The following LRRFIP1 variants were observed in gnomAD, a reference collection of about 807,000 sequenced individuals.
LRRFIP1 encodes the protein leucine-rich repeat flightless-interacting protein 1.
In LRRFIP1, 62 loss-of-function variants were observed where a neutral mutation model predicts 104.4. The observed-to-expected ratio is 0.59, with a 90% CI of 0.48 to 0.73. The LOEUF is 0.73. LRRFIP1 is among the 30% of genes least tolerant of loss of function. The pLI is 0.00. For synonymous variants in LRRFIP1, 300 were observed against 299.0 expected (o/e 1.00, Z -0.03); for missense variants, 796 against 824.5 (o/e 0.97, Z 0.42).
rs1480793512 is a variant in LRRFIP1, at chr2:237,680,237, A to C, written c.97-28307A>C. Among the ~76,000 whole-genome samples, 10 of 152,264 alleles carry C rather than the reference A, an allele frequency of 6.6e-5. No homozygotes were observed. The East Asian group carries it at 1.9e-3, about 29-fold the overall frequency. On this transcript the variant is annotated intron_variant, in intron 1 of 23. Transcript: ENST00000308482. ...CCAGGCACAGTGGCTCAGGCCTGCA[A>C]TCCCAGCACTTGGGAAGGCCAAGAT... is the stretch of plus-strand genomic sequence containing the variant.
intron 1 of LRRFIP1, among the ~76,000 whole-genome samples, chr2:237,705,876 C>T (rs2093778933): frequency 6.6e-6 from 1 of 152,204 alleles, no homozygotes. Flanking sequence ...CTGCTCTCAG[C>T]TCATCGAGGC....
intron 8 of LRRFIP1, chr2:237,729,935 T>C (rs1274340832): frequency 5.5e-6 from 3 of 548,750 alleles, no homozygotes; most frequent in Non-Finnish European, 6.9e-6. Flanking sequence ...TCTACTTTTC[T>C]CTTTCGGTGT....
intron 1 of LRRFIP1, among the ~76,000 whole-genome samples, chr2:237,654,440 GAA>G (rs1403653923): frequency 6.6e-6 from 1 of 152,170 alleles, no homozygotes; most frequent in Non-Finnish European, 1.5e-5. Flanking sequence ...AGCCATTGTA[GAA>G]AACAGTATGG....
At chr2:237,631,362 A>T in intron 1 of LRRFIP1, among the ~76,000 whole-genome samples, 1 of 152,194 alleles carries the variant, frequency 6.6e-6, no homozygotes, top group East Asian at 1.9e-4. Context: ...TGGTGGGGGC[A>T]GCCTTTGGAG....
rs763112379 is a variant in LRRFIP1 at position 237,727,899 on chromosome 2, G to T, written c.408G>T (p.Leu136Phe). ...YAWTNGYDGE[L>F]YGSQSLNRRS... ...AGACAAATGGTTATGATGGAGAATT[G>T]TATGGATCACAGTCCCTGAATAGAA... The change falls in exon 8 of 24, where the codon TTG becomes TTT. Residue 136 changes from leucine (L) to phenylalanine (F), a missense_variant. Leu to Phe is a conservative substitution (Grantham distance 22). Coordinates refer to ENST00000308482, the MANE Select transcript of LRRFIP1 (RefSeq NM_001137550.2). 6.2e-7 allele frequency: 1 copy of T among 1,612,196 alleles called. No homozygotes were observed. The highest frequency in any genetic ancestry group is 2.2e-5 in the East Asian group (1 of 44,852).
At chr2:237,701,746 T>C (rs1353774089) in intron 1 of LRRFIP1, among the ~76,000 whole-genome samples, 1 of 152,212 alleles carries the variant, frequency 6.6e-6, no homozygotes, top group African/African-American at 2.4e-5. Context: ...TTCTGCTGTG[T>C]GGTTCTGTCT....
chr2:237,688,192 A>G (rs1352833452), intron 1 of LRRFIP1, among the ~76,000 whole-genome samples: 2 of 149,004 alleles, frequency 1.3e-5, no homozygotes, highest in Non-Finnish European at 2.9e-5. Context: ...GCAGTCAGAC[A>G]AAACCCAAAG....
chr2:237,762,884 A>G (rs750573602), intron 19 of LRRFIP1: 3 of 1,614,184 alleles, frequency 1.9e-6, no homozygotes, highest in Non-Finnish European at 2.5e-6. Flanking sequence ...GGTTGAGTCA[A>G]ATGAGGTCAT....
chr2:237,770,281 T>A (rs999198708), intron 20 of LRRFIP1: 18 of 338,704 alleles, frequency 5.3e-5, no homozygotes, highest in Non-Finnish European at 8.8e-5. Context: ...AAAATAAATA[T>A]AAATGTTGAT....
chr2:237,688,493 T>C (rs2092549877), intron 1 of LRRFIP1, among the ~76,000 whole-genome samples: 1 of 146,798 alleles, frequency 6.8e-6, no homozygotes. Flanking sequence ...TCTCACTCTG[T>C]TGTCCAGGCT....
intron 1 of LRRFIP1, among the ~76,000 whole-genome samples, chr2:237,684,756 G>A (rs1333164944): frequency 7.9e-5 from 12 of 152,034 alleles, no homozygotes; most frequent in Non-Finnish European, 1.8e-4. Context: ...TTTTTAGAAG[G>A]TAATTGGTAG....
chr2:237,766,004 G>A lies in LRRFIP1; in HGVS notation c.1460-3939G>A, dbSNP rs1576392657. The A allele has an allele frequency of 2.4e-6, 2 of 823,128 alleles. No individual in the cohort carries two copies. The highest frequency in any genetic ancestry group is 2.9e-6 in the Non-Finnish European group (2 of 682,174). The allele number at this position is 823,128 out of a possible 1,614,324, so 51.0% of individuals were successfully genotyped here. A position where few individuals can be genotyped will look rare whatever the true frequency, so the allele number is the denominator to read the frequency against. On this transcript the variant is annotated intron_variant, in intron 19 of 23. Transcript: ENST00000308482. The surrounding 1 kb of genome is among the most constrained non-coding windows in gnomAD (Gnocchi z 4.8). ...ACCTTTGAGTAATATCTGCTTGGGG[G>A]TTGCTGATTCCTATTGGGGTTCCGT... is the stretch of plus-strand genomic sequence containing the variant.
At chr2:237,736,775 C>T (rs961696452) in intron 10 of LRRFIP1, among the ~76,000 whole-genome samples, 1 of 152,224 alleles carries the variant, frequency 6.6e-6, no homozygotes. Context: ...GGATGGTCAG[C>T]TCTGCTGTGA....
intron 1 of LRRFIP1, among the ~76,000 whole-genome samples, chr2:237,668,402 A>G (rs2089829190): frequency 6.6e-6 from 1 of 152,038 alleles, no homozygotes; most frequent in Non-Finnish European, 1.5e-5. Context: ...CTGCCTTACC[A>G]TCTTCACAAA....
At chr2:237,741,188 C>T (rs2095406349) in intron 11 of LRRFIP1, among the ~76,000 whole-genome samples, 1 of 152,244 alleles carries the variant, frequency 6.6e-6, no homozygotes, top group Middle Eastern at 3.2e-3. Context: ...CCAGTAATCT[C>T]TCCCCAGAGT....
At chr2:237,737,965 C>T (rs562356355) in intron 10 of LRRFIP1, among the ~76,000 whole-genome samples, 2 of 152,208 alleles carry the variant, frequency 1.3e-5, no homozygotes, top group African/African-American at 4.8e-5. Context: ...TTTCAATTGA[C>T]ATTTGATGGT....
intron 7 of LRRFIP1, among the ~76,000 whole-genome samples, chr2:237,724,549 C>T (rs1368686363): frequency 1.3e-5 from 2 of 152,038 alleles, no homozygotes; most frequent in East Asian, 3.9e-4. Flanking sequence ...AAAGACAGGG[C>T]GTTAGATTCA....
At chr2:237,775,395 G>C (rs1487066657) in intron 23 of LRRFIP1, among the ~76,000 whole-genome samples, 2 of 152,218 alleles carry the variant, frequency 1.3e-5, no homozygotes, top group Admixed American at 1.3e-4. Context: ...GGGTGAGGGG[G>C]TGGAGGGAGC....
chr2:237,747,881 T>C (rs2058080274), intron 11 of LRRFIP1, among the ~76,000 whole-genome samples: 1 of 152,142 alleles, frequency 6.6e-6, no homozygotes, highest in South Asian at 2.1e-4. Context: ...AGTTAATCTT[T>C]GTTTAAAAAA....
Sources: allele counts gnomAD v4.1 joint callset (sites outside exome capture counted in the v4.1 genomes callset), GRCh38; gene constraint gnomAD v4.1.1; non-coding constraint Gnocchi (gnomAD v3.1); transcripts MANE v1.5; gene names NCBI Gene and HGNC (gene_info 2026-07-23, HGNC 2026-07-21).